Variants in NLRP4 observed in about 807,000 individuals in gnomAD.
The protein encoded by NLRP4 is NACHT, LRR and PYD domains-containing protein 4.
NLRP4 carries 44 observed loss-of-function variants against 84.7 expected under a neutral mutation model. That is an observed-to-expected ratio of 0.52 (90% confidence interval 0.41 to 0.67). The LOEUF is 0.67. Ranked by LOEUF, NLRP4 falls within the 30% of genes least tolerant of loss-of-function variation. The probability of loss-of-function intolerance (pLI) is 0.00; values close to 1 mark genes in which losing one functional copy is unlikely to be tolerated. For missense variants in NLRP4, 1,260 were observed against 1,219.4 expected, an observed-to-expected ratio of 1.03 and a Z score of -0.50; for synonymous variants, 544 against 476.4, an observed-to-expected ratio of 1.14 and a Z score of -1.85.
intron 3 of NLRP4, among the ~76,000 whole-genome samples, chr19:55,860,327 AAC>A (rs1257413744): frequency 1.3e-5 from 2 of 152,230 alleles, no homozygotes; most frequent in East Asian, 3.9e-4. Context: ...CTATAACCCC[AAC>A]ACTTTGAGAA....
At chr19:55,868,142 G>C (rs910436364) in intron 6 of NLRP4, among the ~76,000 whole-genome samples, 1 of 152,178 alleles carries the variant, frequency 6.6e-6, no homozygotes, top group Non-Finnish European at 1.5e-5. Flanking sequence ...TACAGAACAC[G>C]TACTGTGTTT....
chr19:55,848,130 G>A (rs187295911), intron 1 of NLRP4, among the ~76,000 whole-genome samples: 38 of 152,238 alleles, frequency 2.5e-4, no homozygotes, highest in Non-Finnish European at 3.8e-4. Context: ...CTTGTTTTCA[G>A]TGATCTTGAA....
chr19:55,851,539 C>T (rs1362047598), intron 1 of NLRP4, among the ~76,000 whole-genome samples: 1 of 67,958 alleles, frequency 1.5e-5, no homozygotes, highest in Non-Finnish European at 2.5e-5. Context: ...ACCGAGGCTG[C>T]GGTGTAATGT....
At chr19:55,839,231 T>TG (rs1568652876) in intron 1 of NLRP4, among the ~76,000 whole-genome samples, 19 of 152,078 alleles carry the variant, frequency 1.2e-4, no homozygotes, top group Non-Finnish European at 2.4e-4. Context: ...CATGCAGTGT[T>TG]TGGTTTTCTG....
chr19:55,849,753 G>A (rs576673307), intron 1 of NLRP4, among the ~76,000 whole-genome samples: 1 of 152,340 alleles, frequency 6.6e-6, no homozygotes, highest in South Asian at 2.1e-4. Context: ...ATATTTAAAA[G>A]TAAAAATGTA....
Position 55,867,880 on chromosome 19 carries a change from A to G in NLRP4, c.2354+4A>G. 6.2e-7 allele frequency: 1 copy of G among 1,613,152 alleles called. No homozygotes were observed. The highest frequency in any genetic ancestry group is 2.2e-5 in the East Asian group (1 of 44,858). On this transcript the variant is annotated splice_donor_region_variant and intron_variant, in intron 6 of 9. Coordinates refer to ENST00000301295, the MANE Select transcript of NLRP4 (RefSeq NM_134444.5). ...ACACGGTCCTGGTATACCTGATGTG[A>G]GTGGATGTTGGGGGTGCCTACTGTG...
intron 5 of NLRP4, among the ~76,000 whole-genome samples, chr19:55,863,455 A>G (rs1047710848): frequency 1.3e-5 from 2 of 152,174 alleles, no homozygotes; most frequent in South Asian, 2.1e-4. Flanking sequence ...CACGTCTTAC[A>G]TGGGGGAGCA....
At position 55,858,672 on chromosome 19, in the gene NLRP4, G is replaced by A. The variant is rs111284755; in HGVS notation, c.1279G>A (p.Ala427Thr). Residue 427 changes from alanine (A) to threonine (T), a missense_variant, in exon 3 of 10, where the codon GCT becomes ACT. By Grantham distance (58) the Ala-to-Thr change is moderately conservative. Coordinates refer to ENST00000301295, the MANE Select transcript of NLRP4 (RefSeq NM_134444.5). The surrounding 1 kb of genome is among the most constrained non-coding windows in gnomAD (Gnocchi z 4.2). ...CCTCCGGAGAAATGGGGTTGTTGACGCTGACATCCCTGCGCTGCTGGGCAC... is the reference window on the plus strand; with the variant it reads ...CCTCCGGAGAAATGGGGTTGTTGACACTGACATCCCTGCGCTGCTGGGCAC... ...DDLRRNGVVD[A>T]DIPALLGTKI... is the part of the protein sequence containing the mutation. 6.4e-3 allele frequency: 10,273 copies of A among 1,614,144 alleles called. 44 individuals are homozygous for A. The highest frequency in any genetic ancestry group is 7.8e-3 in the Non-Finnish European group (9,199 of 1,180,020).
At chr19:55,877,339 C>A (rs1985412647) in intron 8 of NLRP4, among the ~76,000 whole-genome samples, 173 bp downstream of exon 8, 3 of 152,154 alleles carry the variant, frequency 2.0e-5, no homozygotes, top group African/African-American at 7.2e-5. Context: ...TAGATTGCTG[C>A]TGGCTCTGCT....
At chr19:55,866,128 G>A (rs901446640) in intron 5 of NLRP4, among the ~76,000 whole-genome samples, 1 of 152,048 alleles carries the variant, frequency 6.6e-6, no homozygotes, top group Non-Finnish European at 1.5e-5. Context: ...CCGCCTCCTG[G>A]GTTCAAGTGA....
intron 1 of NLRP4, among the ~76,000 whole-genome samples, chr19:55,847,908 G>T (rs1983861399): frequency 6.6e-6 from 1 of 151,876 alleles, no homozygotes; most frequent in Admixed American, 6.6e-5. Flanking sequence ...GTAGAGATGG[G>T]GTTTCACCAT....
At chr19:55,838,035 C>CCAAAAAAAAAAA (rs59078329) in intron 1 of NLRP4, among the ~76,000 whole-genome samples, 8 of 132,692 alleles carry the variant, frequency 6.0e-5, no homozygotes, top group East Asian at 2.3e-4. Flanking sequence ...GACTCGGTCT[C>CCAAAAAAAAAAA]AAGCTGGATG....
intron 5 of NLRP4, among the ~76,000 whole-genome samples, chr19:55,867,210 G>A (rs35509143): frequency 0.068 from 10,238 of 149,622 alleles, 534 homozygotes; most frequent in South Asian, 0.12. Context: ...CAGGTTGGCT[G>A]TCTCTGTACC....
Position 55,877,048 on chromosome 19 carries a change from C to T in NLRP4, c.2578C>T (p.Leu860Phe). The change falls in exon 8 of 10, where the codon CTC becomes TTC. Residue 860 changes from leucine (L) to phenylalanine (F), a missense_variant. Leu to Phe is a conservative substitution (Grantham distance 22). This residue lies in a region of NLRP4 where 544 missense variants were observed against 531.7 expected (regional missense o/e 1.02). Transcript: ENST00000301295. Reference protein sequence around the residue: ...AAGCEDLASALISNQNLKILQ... With the variant: ...AAGCEDLASAFISNQNLKILQ... ...TGGCTGTGAAGACCTCGCCTCTGCT[C>T]TCATCAGCAATCAAAACCTGAAGAT... The T allele has an allele frequency of 6.2e-7, 1 of 1,614,066 alleles. No individual in the cohort carries two copies. The highest frequency in any genetic ancestry group is 2.2e-5 in the East Asian group (1 of 44,884).
rs568557408 is a variant in NLRP4 at position 55,856,509 on chromosome 19, ATC to A, written c.281-1163_281-1162del. Among the ~76,000 whole-genome samples, 10 of 132,758 alleles carry A rather than the reference ATC, an allele frequency of 7.5e-5. 1 individual carries two copies. Among genetic ancestry groups the A allele is most frequent in the African/African-American group, 2.7e-4 (9 of 33,858 alleles). 87.1% of individuals were successfully genotyped at this position (132,758 alleles called of 152,430 possible). On this transcript the variant is annotated intron_variant, in intron 2 of 9. Transcript: ENST00000301295. ...AGGGCTTGGTCATCACTGTTGCTGG[ATC>A]TTTTTTTTTTTTTTTTTTTTTTGAG...
Position 55,849,911 on chromosome 19 carries a change from G to GTGGCCGCGGTGTAATGTCCA in NLRP4, c.-65-2104_-65-2103insGGCCGCGGTGTAATGTCCAT, listed in dbSNP as rs1568658059. Among the ~76,000 whole-genome samples the GTGGCCGCGGTGTAATGTCCA allele has an allele frequency of 5.1e-3, 686 of 135,140 alleles. 55 individuals carry two copies. Among genetic ancestry groups the GTGGCCGCGGTGTAATGTCCA allele is most frequent in the East Asian group, 0.019 (83 of 4,294 alleles). 88.7% of individuals were successfully genotyped at this position (135,140 alleles called of 152,430 possible). A position where few individuals can be genotyped will look rare whatever the true frequency, so the allele number is the denominator to read the frequency against. On this transcript the variant is annotated intron_variant, in intron 1 of 9. Transcript: ENST00000301295. ...TTCCGTGGCCGGCGGTGTAATTTCCGTAGCCGCGGTGTAATTTCCGTAGCC... is the reference window on the plus strand; with the variant it reads ...TTCCGTGGCCGGCGGTGTAATTTCCGTGGCCGCGGTGTAATGTCCATAGCCGCGGTGTAATTTCCGTAGCC...
intron 3 of NLRP4, among the ~76,000 whole-genome samples, chr19:55,859,980 C>T (rs28374950): frequency 2.6e-5 from 3 of 117,112 alleles, no homozygotes; most frequent in African/African-American, 3.1e-5. Flanking sequence ...AAATTTTCTT[C>T]TTGTTCTTTT....
rs772218151 is a variant in NLRP4 at position 55,858,546 on chromosome 19, G to A, written c.1153G>A (p.Ala385Thr). Reference sequence around the variant, plus strand: ...CTTTAACCTGTTCACACCTGAGGGTGCCGAGGGCCCGACTCCGCAAACCCA... The same window carrying A: ...CTTTAACCTGTTCACACCTGAGGGTACCGAGGGCCCGACTCCGCAAACCCA... ...FVFNLFTPEG[A>T]EGPTPQTQHQ... The change falls in exon 3 of 10, where the codon GCC becomes ACC. Residue 385 changes from alanine to threonine, a missense_variant. Ala to Thr is a moderately conservative substitution (Grantham distance 58). Transcript: ENST00000301295. This position sits in a 1 kb window ranked among gnomAD's most constrained non-coding sequence, Gnocchi z 4.2. 1 of 1,614,134 alleles carries A rather than the reference G, an allele frequency of 6.2e-7. No homozygotes were observed. Among genetic ancestry groups the A allele is most frequent in the Non-Finnish European group, 8.5e-7 (1 of 1,180,030 alleles).
intron 6 of NLRP4, among the ~76,000 whole-genome samples, chr19:55,869,046 G>A (rs1985069736): frequency 6.6e-6 from 1 of 152,170 alleles, no homozygotes; most frequent in African/African-American, 2.4e-5. Context: ...AAGGACAGTG[G>A]TGCCTGAGTG....
Sources: allele counts gnomAD v4.1 joint callset (sites outside exome capture counted in the v4.1 genomes callset), GRCh38; gene constraint gnomAD v4.1.1; regional missense constraint gnomAD v4.1.1; non-coding constraint Gnocchi (gnomAD v3.1); transcripts MANE v1.5; gene names NCBI Gene and HGNC (gene_info 2026-07-23, HGNC 2026-07-21).